LRFN2: variants seen among roughly 807,000 people sequenced by gnomAD.
LRFN2 encodes leucine-rich repeat and fibronectin type-III domain-containing protein 2.
Under a neutral mutation model 37.3 loss-of-function variants are expected in LRFN2, and 18 were observed. That is an observed-to-expected ratio of 0.48 (90% CI 0.33 to 0.72). LRFN2 has a LOEUF of 0.72. Among genes scored for constraint, LRFN2 ranks in the 30% least tolerant of loss-of-function variants. The pLI is 0.02. For missense variants in LRFN2, 1,006 were observed against 1,060.7 expected (o/e 0.95, Z 0.72); for synonymous variants, 556 against 466.6 (o/e 1.19, Z -2.47).
chr6:40,427,690 T>C (rs182604315), intron 2 of LRFN2, among the ~76,000 whole-genome samples: 12 of 152,358 alleles, frequency 7.9e-5, no homozygotes, highest in East Asian at 3.9e-4. Flanking sequence ...CAGAGTTGTA[T>C]AGGGACTCCA....
At chr6:40,414,569 A>C (rs1472244609) in intron 2 of LRFN2, among the ~76,000 whole-genome samples, 1 of 152,230 alleles carries the variant, frequency 6.6e-6, no homozygotes, top group Non-Finnish European at 1.5e-5. Context: ...TTTACTTAGC[A>C]CTTTTGACCT....
chr6:40,560,754 G>A (rs846506), intron 1 of LRFN2, among the ~76,000 whole-genome samples: 13,823 of 152,266 alleles, frequency 0.091, 778 homozygotes, highest in Non-Finnish European at 0.12. Flanking sequence ...TGCTTGGTAA[G>A]GACATCATGT....
At chr6:40,496,205 A>G (rs1765221707) in intron 1 of LRFN2, among the ~76,000 whole-genome samples, 2 of 151,894 alleles carry the variant, frequency 1.3e-5, no homozygotes, top group South Asian at 2.1e-4. Context: ...TACCACCTCC[A>G]CTACTACTGC....
intron 2 of LRFN2, among the ~76,000 whole-genome samples, chr6:40,429,359 C>G (rs749831056): frequency 2.0e-5 from 3 of 152,242 alleles, no homozygotes. Context: ...TTCTCTCCCC[C>G]TCACGAACTG....
At chr6:40,540,635 G>A (rs566712074) in intron 1 of LRFN2, among the ~76,000 whole-genome samples, 15 of 152,298 alleles carry the variant, frequency 9.8e-5, no homozygotes, top group African/African-American at 2.2e-4. Context: ...CCGCAGTATC[G>A]TTGAGAGCAG....
chr6:40,441,511 G>T (rs1266384250), intron 1 of LRFN2, among the ~76,000 whole-genome samples: 1 of 152,138 alleles, frequency 6.6e-6, no homozygotes, highest in Non-Finnish European at 1.5e-5. Context: ...GTCTGCCTGA[G>T]GAAGAGAGAG....
chr6:40,540,813 G>T (rs1400912661), intron 1 of LRFN2, among the ~76,000 whole-genome samples: 3 of 152,182 alleles, frequency 2.0e-5, no homozygotes, highest in South Asian at 2.1e-4. Flanking sequence ...CACAGCAGAG[G>T]TCTGCAGACG....
At chr6:40,491,579 A>T (rs1391807984) in intron 1 of LRFN2, among the ~76,000 whole-genome samples, 27 of 100,338 alleles carry the variant, frequency 2.7e-4, no homozygotes, top group African/African-American at 5.2e-4. Flanking sequence ...TGTTTCCCTC[A>T]CTCTATTTTG....
intron 1 of LRFN2, among the ~76,000 whole-genome samples, chr6:40,476,448 A>G (rs542838535): frequency 9.8e-5 from 15 of 152,326 alleles, no homozygotes; most frequent in African/African-American, 3.6e-4. Flanking sequence ...TCTTGTGTGT[A>G]TGCATCACCA....
intron 1 of LRFN2, among the ~76,000 whole-genome samples, chr6:40,578,029 C>A (rs1767328324): frequency 6.6e-6 from 1 of 152,004 alleles, no homozygotes. Context: ...CCCAGCACAG[C>A]CCCGCCCTCA....
chr6:40,544,751 A>G (rs1766624341), intron 1 of LRFN2, among the ~76,000 whole-genome samples: 2 of 152,214 alleles, frequency 1.3e-5, no homozygotes, highest in Non-Finnish European at 2.9e-5. Flanking sequence ...GCTGAGGATA[A>G]CCTGCATTTT....
At chr6:40,468,262 G>A (rs1764517707) in intron 1 of LRFN2, among the ~76,000 whole-genome samples, 1 of 152,076 alleles carries the variant, frequency 6.6e-6, no homozygotes, top group African/African-American at 2.4e-5. Flanking sequence ...CAAGCACTGG[G>A]AGGTCCCGGT....
chr6:40,533,604 G>A (rs1396942095), intron 1 of LRFN2, among the ~76,000 whole-genome samples: 2 of 152,162 alleles, frequency 1.3e-5, no homozygotes, highest in Non-Finnish European at 2.9e-5. Flanking sequence ...CAGCTCGCCT[G>A]TACCAAATGC....
At chr6:40,565,557 G>A (rs1038725539) in intron 1 of LRFN2, among the ~76,000 whole-genome samples, 5 of 152,126 alleles carry the variant, frequency 3.3e-5, no homozygotes, top group Non-Finnish European at 7.3e-5. Context: ...ATGGAACAGA[G>A]CAGAGCCCTC....
chr6:40,568,949 G>A (rs1392834745), intron 1 of LRFN2, among the ~76,000 whole-genome samples: 1 of 152,156 alleles, frequency 6.6e-6, no homozygotes, highest in African/African-American at 2.4e-5. Flanking sequence ...GACACGCAGA[G>A]ATCAGATGAC....
intron 2 of LRFN2, among the ~76,000 whole-genome samples, chr6:40,396,158 G>A (rs148435908): frequency 6.6e-6 from 1 of 152,278 alleles, no homozygotes; most frequent in Non-Finnish European, 1.5e-5. Flanking sequence ...AGGGGATTAA[G>A]ACTCTTTTAA....
intron 1 of LRFN2, among the ~76,000 whole-genome samples, chr6:40,503,432 G>T (rs957044404): frequency 6.6e-6 from 1 of 152,194 alleles, no homozygotes; most frequent in Admixed American, 6.5e-5. Flanking sequence ...TGGTGCAGCC[G>T]ATGGAGGGCG....
chr6:40,444,519 T>C (rs1763920647), intron 1 of LRFN2, among the ~76,000 whole-genome samples: 1 of 152,176 alleles, frequency 6.6e-6, no homozygotes, highest in Non-Finnish European at 1.5e-5. Context: ...CTCTCTGCAT[T>C]CCTAATATTG....
chr6:40,495,557 C>T (rs1471545200), intron 1 of LRFN2, among the ~76,000 whole-genome samples: 1 of 152,194 alleles, frequency 6.6e-6, no homozygotes, highest in Non-Finnish European at 1.5e-5. Context: ...CAGTCCTCAT[C>T]TTGTCCACTC....
Sources: gnomAD v4.1 joint callset for allele counts (sites outside exome capture counted in the v4.1 genomes callset) on GRCh38, gnomAD v4.1.1 for gene constraint, MANE v1.5 for transcripts, NCBI Gene and HGNC (gene_info 2026-07-23, HGNC 2026-07-21) for gene names.